The following COL23A1 variants were observed in gnomAD, a reference collection of about 807,000 sequenced individuals.
COL23A1 encodes collagen type XXIII alpha 1 chain.
In COL23A1, 97 loss-of-function variants were observed where a neutral mutation model predicts 99.3. The observed-to-expected ratio is 0.98, with a 90% confidence interval of 0.83 to 1.16. COL23A1 has a LOEUF of 1.16. Ranked by LOEUF, COL23A1 falls within the 50% of genes most tolerant of loss-of-function variation. COL23A1 has a pLI of 0.00. For missense variants in COL23A1, 762 were observed against 757.4 expected (o/e 1.01, Z -0.07); for synonymous variants, 320 against 308.2 (o/e 1.04, Z -0.40).
At chr5:178,586,575 A>G (rs1764016906) in intron 1 of COL23A1, among the ~76,000 whole-genome samples, 1 of 151,188 alleles carries the variant, frequency 6.6e-6, no homozygotes, top group Non-Finnish European at 1.5e-5. Context: ...TAAACATGCT[A>G]CTATTATTAT....
intron 1 of COL23A1, among the ~76,000 whole-genome samples, chr5:178,586,891 A>G (rs1764032758): frequency 6.6e-6 from 1 of 152,198 alleles, no homozygotes; most frequent in Non-Finnish European, 1.5e-5. Context: ...CAATATACAG[A>G]GTTGATAAGA....
At chr5:178,432,562 A>G (rs539235303) in intron 2 of COL23A1, among the ~76,000 whole-genome samples, 1 of 152,330 alleles carries the variant, frequency 6.6e-6, no homozygotes, top group Non-Finnish European at 1.5e-5. Flanking sequence ...GGAGCAGAGC[A>G]GGAAAGAAGC....
In COL23A1 at chr5:178,331,743, A is replaced by T. The variant is rs558839903; in HGVS notation, c.362-24824T>A. ...TCATCTTTTAATCCCAGCTGTTATCAGCTGCTGGGAAATAGCTGAGCCCAG... is the reference window on the plus strand; with the variant it reads ...TCATCTTTTAATCCCAGCTGTTATCTGCTGCTGGGAAATAGCTGAGCCCAG... On this transcript the variant is annotated intron_variant, in intron 2 of 28. Coordinates refer to ENST00000390654, the MANE Select transcript of COL23A1 (RefSeq NM_173465.4). 1.2e-4 allele frequency among the ~76,000 whole-genome samples: 18 copies of T among 152,342 alleles called. No individual in the cohort carries two copies. The South Asian group carries it at 3.7e-3, about 32-fold the overall frequency.
rs1412816649 is a variant in COL23A1 at position 178,255,152 on chromosome 5, G to A, written c.883-126C>T. On this transcript the variant is annotated intron_variant, in intron 15 of 28. Coordinates refer to ENST00000390654, the MANE Select transcript of COL23A1 (RefSeq NM_173465.4). This position sits in a 1 kb window ranked among gnomAD's most constrained non-coding sequence, Gnocchi z 4.2. ...AAGAGCCTCGTCACCCAGGCTGCAC[G>A]CATGCCCCTCCCCAGGGTGGATGGA... The A allele has an allele frequency of 1.4e-5, 11 of 760,970 alleles. No homozygotes were observed. The highest frequency in any genetic ancestry group is 2.6e-5 in the East Asian group (1 of 37,902). The allele number at this position is 760,970 out of a possible 1,614,324, so 47.1% of individuals were successfully genotyped here. A position where few individuals can be genotyped will look rare whatever the true frequency, so the allele number is the denominator to read the frequency against.
chr5:178,554,057 GA>G (rs1282701758), intron 2 of COL23A1, among the ~76,000 whole-genome samples: 1 of 152,232 alleles, frequency 6.6e-6, no homozygotes, highest in African/African-American at 2.4e-5. Flanking sequence ...GCACAAGGAG[GA>G]TAAGTGTGAG....
intron 2 of COL23A1, among the ~76,000 whole-genome samples, chr5:178,480,158 AAG>A (rs1326332018): frequency 6.6e-6 from 1 of 152,190 alleles, no homozygotes; most frequent in Non-Finnish European, 1.5e-5. Context: ...AAAAAAAAAA[AAG>A]AAAATTTTTT....
chr5:178,422,598 T>C (rs951785896), intron 2 of COL23A1, among the ~76,000 whole-genome samples: 7 of 151,994 alleles, frequency 4.6e-5, no homozygotes, highest in African/African-American at 1.7e-4. Context: ...GGCCGGGAGC[T>C]GGGAGGGACG....
intron 2 of COL23A1, among the ~76,000 whole-genome samples, chr5:178,389,882 G>A (rs540391389): frequency 6.6e-6 from 1 of 152,334 alleles, no homozygotes; most frequent in Non-Finnish European, 1.5e-5. Flanking sequence ...GCCCTCCTGA[G>A]CCGTTCTGAA....
chr5:178,582,942 T>A (rs907927061), intron 1 of COL23A1, among the ~76,000 whole-genome samples: 3 of 152,200 alleles, frequency 2.0e-5, no homozygotes, highest in Admixed American at 1.3e-4. Context: ...CACACAGGGT[T>A]CGCAGACATT....
chr5:178,383,616 A>AT (rs1763502120), intron 2 of COL23A1, among the ~76,000 whole-genome samples: 1 of 152,200 alleles, frequency 6.6e-6, no homozygotes, highest in Admixed American at 6.5e-5. Flanking sequence ...GAAGCCCCCC[A>AT]TCAGCCGTGA....
intron 2 of COL23A1, among the ~76,000 whole-genome samples, chr5:178,426,654 A>T (rs1765955186): frequency 6.6e-6 from 1 of 152,238 alleles, no homozygotes; most frequent in Admixed American, 6.5e-5. Flanking sequence ...GATCCGAAGC[A>T]GCCATTTGAA....
At chr5:178,262,023 C>A (rs1765651180) in intron 10 of COL23A1, among the ~76,000 whole-genome samples, 194 bp downstream of exon 10, 1 of 152,232 alleles carries the variant, frequency 6.6e-6, no homozygotes, top group Non-Finnish European at 1.5e-5. Context: ...CCTCACCCAG[C>A]CATTTCCCCA....
rs1756829242 is a variant in COL23A1 at position 178,280,336 on chromosome 5, T to C, written c.441+7988A>G. On this transcript the variant is annotated intron_variant, in intron 5 of 28. Coordinates refer to ENST00000390654, the MANE Select transcript of COL23A1 (RefSeq NM_173465.4). The surrounding 1 kb of genome is among the most constrained non-coding windows in gnomAD (Gnocchi z 4.9). ...TGGACAGAGCAGTGGGAACGGTCCCTGAACCCAGTCCGTGTGCCCAACTCT... is the reference window on the plus strand; with the variant it reads ...TGGACAGAGCAGTGGGAACGGTCCCCGAACCCAGTCCGTGTGCCCAACTCT... Among the ~76,000 whole-genome samples, 2 of 152,172 alleles carry C rather than the reference T, an allele frequency of 1.3e-5. No homozygotes were observed. Among genetic ancestry groups the C allele is most frequent in the African/African-American group, 4.8e-5 (2 of 41,450 alleles).
rs1279928991 is a variant in COL23A1, at chr5:178,238,538, C to T, written c.*160G>A. On this transcript the variant is annotated 3_prime_UTR_variant, in exon 29 of 29. Coordinates refer to ENST00000390654, the MANE Select transcript of COL23A1 (RefSeq NM_173465.4). ...TGGCCTGTCCACTTTCCGGCAGCTT[C>T]ACATGCCGGTGGCTTTGGGGCTGGG... 9.6e-6 allele frequency: 9 copies of T among 940,358 alleles called. No individual in the cohort carries two copies. The highest frequency in any genetic ancestry group is 1.5e-5 in the Non-Finnish European group (9 of 610,292). The allele number at this position is 940,358 out of a possible 1,614,324, so 58.3% of individuals were successfully genotyped here.
intron 2 of COL23A1, among the ~76,000 whole-genome samples, chr5:178,371,728 C>G (rs1437116747): frequency 2.6e-5 from 4 of 152,186 alleles, no homozygotes; most frequent in African/African-American, 9.7e-5. Context: ...GGTGAGCTTC[C>G]CACCAATGTA....
chr5:178,542,403 A>G (rs1761341273), intron 2 of COL23A1, among the ~76,000 whole-genome samples: 1 of 152,202 alleles, frequency 6.6e-6, no homozygotes, highest in East Asian at 1.9e-4. Context: ...TAAGTTTATT[A>G]AAGTGACAAA....
chr5:178,495,316 C>T (rs2127976797), intron 2 of COL23A1, among the ~76,000 whole-genome samples: 1 of 152,262 alleles, frequency 6.6e-6, no homozygotes, highest in Admixed American at 6.5e-5. Flanking sequence ...ATTTGGGTTA[C>T]AGAGGTTAAT....
At chr5:178,388,041 G>C (rs764656683) in intron 2 of COL23A1, among the ~76,000 whole-genome samples, 1 of 152,054 alleles carries the variant, frequency 6.6e-6, no homozygotes, top group African/African-American at 2.4e-5. Context: ...TCCACCCAGC[G>C]CACGCTCTCC....
intron 3 of COL23A1, among the ~76,000 whole-genome samples, chr5:178,293,155 A>T (rs1309529842): frequency 6.6e-6 from 1 of 151,848 alleles, no homozygotes; most frequent in Non-Finnish European, 1.5e-5. Context: ...GGAGATGGAT[A>T]TGGGTATTTC....
Sources: allele counts gnomAD v4.1 joint callset (sites outside exome capture counted in the v4.1 genomes callset), GRCh38; gene constraint gnomAD v4.1.1; non-coding constraint Gnocchi (gnomAD v3.1); transcripts MANE v1.5; gene names NCBI Gene and HGNC (gene_info 2026-07-23, HGNC 2026-07-21).